The following INTS1 variants were observed in gnomAD, a reference collection of about 807,000 sequenced individuals.
INTS1 encodes integrator complex subunit 1.
Under a neutral mutation model 241.6 loss-of-function variants are expected in INTS1, and 137 were observed. The ratio of observed to expected loss-of-function variants is 0.57; its 90% CI spans 0.49 to 0.65. The LOEUF is 0.65. Ranked by LOEUF, INTS1 falls within the 30% of genes least tolerant of loss-of-function variation. The probability of loss-of-function intolerance (pLI) is 0.00; values close to 1 mark genes in which losing one functional copy is unlikely to be tolerated. For synonymous variants in INTS1, 1,692 were observed against 1,337.8 expected, an observed-to-expected ratio of 1.26 and a Z score of -5.78; for missense variants, 3,073 against 3,032.2, an observed-to-expected ratio of 1.01 and a Z score of -0.32.
At chr7:1,503,780 C>T in intron 2 of INTS1, 123 bp downstream of exon 2, 1 of 719,190 alleles carries the variant, frequency 1.4e-6, no homozygotes, top group Admixed American at 2.7e-5. Context: ...GACCGAATTC[C>T]TGGAAACAGC....
chr7:1,486,614 C>T lies in INTS1; in HGVS notation c.2976+11G>A, dbSNP rs761601215. On this transcript the variant is annotated intron_variant, in intron 22 of 47. Coordinates refer to ENST00000404767, the MANE Select transcript of INTS1 (RefSeq NM_001080453.3). ...AAGAGCGTGCGCAGAAAGACCCGCCCACCACCTCACCTTCATGGCCAGCAC... is the reference window on the plus strand; with the variant it reads ...AAGAGCGTGCGCAGAAAGACCCGCCTACCACCTCACCTTCATGGCCAGCAC... 6.2e-7 allele frequency: 1 copy of T among 1,609,740 alleles called. No individual in the cohort carries two copies. Among genetic ancestry groups the T allele is most frequent in the South Asian group, 1.1e-5 (1 of 90,448 alleles).
rs1256209280 is a variant in INTS1 at position 1,479,432 on chromosome 7, G to C, written c.4327C>G (p.Gln1443Glu). The C allele has an allele frequency of 6.3e-7, 1 of 1,576,208 alleles. No homozygotes were observed. ...CPLLRQLCQY[Q>E]RCVPQDTGFS... Reference sequence around the variant, plus strand: ...GCAAGAGGCCCACGCCCAAGTACCTGGTACTGGCAGAGCTGGCGCAGCAGC... The same window carrying C: ...GCAAGAGGCCCACGCCCAAGTACCTCGTACTGGCAGAGCTGGCGCAGCAGC... Residue 1443 changes from glutamine to glutamate, a missense_variant and splice_region_variant, in exon 31 of 48, where the codon CAG (glutamine) becomes GAG (glutamate). Coordinates refer to ENST00000404767, the MANE Select transcript of INTS1 (RefSeq NM_001080453.3).
chr7:1,494,656 A>T (rs1782756855), intron 14 of INTS1, 160 bp downstream of exon 14: 2 of 711,314 alleles, frequency 2.8e-6, no homozygotes, highest in Admixed American at 4.5e-5. Flanking sequence ...TGGGAGTGGG[A>T]GAAGGGTGGC....
intron 29 of INTS1, 68 bp downstream of exon 29, chr7:1,480,767 G>A: frequency 3.2e-6 from 4 of 1,268,926 alleles, no homozygotes; most frequent in Non-Finnish European, 4.4e-6. Context: ...TCCCCAGGCT[G>A]GGTCTCTGTG....
Position 1,493,889 on chromosome 7 carries a change from C to T in INTS1, c.1933G>A (p.Glu645Lys), listed in dbSNP as rs866389570. The T allele has an allele frequency of 3.8e-6, 6 of 1,563,130 alleles. No homozygotes were observed. Among genetic ancestry groups the T allele is most frequent in the Non-Finnish European group, 5.2e-6 (6 of 1,154,388 alleles). ...DRNFFLRLCSEVPILEDTLMR... is the reference protein window; with the variant it reads ...DRNFFLRLCSKVPILEDTLMR... ...AGCGTGTCCTCCAAAATGGGCACCT[C>T]GGAGCACAGACGCAGGAAGAAGCTG... Residue 645 changes from glutamate (E) to lysine (K), a missense_variant, in exon 15 of 48, where the codon GAG becomes AAG. Transcript: ENST00000404767. This position sits in a 1 kb window ranked among gnomAD's most constrained non-coding sequence, Gnocchi z 5.3.
Position 1,493,117 on chromosome 7 carries a change from G to C in INTS1, c.2069-11C>G. The C allele has an allele frequency of 6.2e-7, 1 of 1,608,668 alleles. No individual in the cohort carries two copies. The highest frequency in any genetic ancestry group is 8.5e-7 in the Non-Finnish European group (1 of 1,175,446). ...TCAGCACCTCCACATCTAAGACCAA[G>C]AGCCACACATGGGTTCTGGGGCTGC... On this transcript the variant is annotated splice_polypyrimidine_tract_variant and intron_variant, in intron 15 of 47. Transcript: ENST00000404767. The surrounding 1 kb of genome is among the most constrained non-coding windows in gnomAD (Gnocchi z 5.3).
chr7:1,500,346 C>A lies in INTS1; in HGVS notation c.370G>T (p.Asp124Tyr). The change falls in exon 4 of 48, where the codon GAT becomes TAT. Residue 124 changes from aspartate to tyrosine, a missense_variant. Asp to Tyr is a radical substitution (Grantham distance 160, BLOSUM62 -3). Transcript: ENST00000404767. ...TCCAGCTCGGCCGCCTCGATCTCAT[C>A]CAGCAGCACCGTGGGCAGCACTGGC... ...PIEVLPTVLLDEIEAAELEGN... is the reference protein window; with the variant it reads ...PIEVLPTVLLYEIEAAELEGN... The A allele has an allele frequency of 6.3e-7, 1 of 1,580,068 alleles. No individual in the cohort carries two copies. Among genetic ancestry groups the A allele is most frequent in the South Asian group, 1.1e-5 (1 of 88,486 alleles).
chr7:1,475,980 T>C lies in INTS1; in HGVS notation c.5470A>G (p.Ser1824Gly), dbSNP rs751490375. 2.1e-5 allele frequency: 33 copies of C among 1,544,624 alleles called. 1 individual carries two copies. In the Middle Eastern group the frequency reaches 2.1e-3, roughly 99 times the overall value. The change falls in exon 39 of 48, where the codon AGC becomes GGC. Residue 1824 changes from serine (S) to glycine (G), a missense_variant. Coordinates refer to ENST00000404767, the MANE Select transcript of INTS1 (RefSeq NM_001080453.3). ...RVPVPEVLLH[S>G]EGAASSSVCK... is the part of the protein sequence containing the mutation. ...ACGCTGCTGCTGGCAGCCCCTTCGC[T>C]GTGCAGTAGGACCTCAGGCACGGGC...
Position 1,481,032 on chromosome 7 carries a change from C to T in INTS1, c.3851-99G>A, listed in dbSNP as rs1489703639. On this transcript the variant is annotated intron_variant, in intron 28 of 47. Coordinates refer to ENST00000404767, the MANE Select transcript of INTS1 (RefSeq NM_001080453.3). The surrounding 1 kb of genome is among the most constrained non-coding windows in gnomAD (Gnocchi z 6.8). ...CCAGAGTTGGAGATGCCCCCACCGTCACCAGCACTTCCCAAGGACTTCAGA... is the reference window on the plus strand; with the variant it reads ...CCAGAGTTGGAGATGCCCCCACCGTTACCAGCACTTCCCAAGGACTTCAGA... 1.2e-6 allele frequency: 1 copy of T among 860,174 alleles called. No individual in the cohort carries two copies. Among genetic ancestry groups the T allele is most frequent in the African/African-American group, 1.7e-5 (1 of 59,732 alleles). 53.3% of individuals were successfully genotyped at this position (860,174 alleles called of 1,614,324 possible).
At chr7:1,498,930 G>GGCCCCCCCCCCCCGCCCCCCC in intron 8 of INTS1, 45 bp downstream of exon 8, 1 of 1,460,190 alleles carries the variant, frequency 6.8e-7, no homozygotes, top group Non-Finnish European at 9.3e-7. Flanking sequence ...CACAGAGCCT[G>GGCCCCCCCCCCCCGCCCCCCC]CCCCCACCCC....
At chr7:1,492,982 G>C in intron 16 of INTS1, 28 bp downstream of exon 16, 1 of 1,567,496 alleles carries the variant, frequency 6.4e-7, no homozygotes, top group Non-Finnish European at 8.8e-7. Context: ...TTACCCGGGC[G>C]GGAGTGGGGA....
At position 1,476,041 on chromosome 7, in the gene INTS1, GAGA is replaced by G. The variant is rs1554274185; in HGVS notation, c.5406_5408del (p.Leu1804del). On this transcript the variant is annotated inframe_deletion, in exon 39 of 48. Transcript: ENST00000404767. ...CCGGCCGCTGTAGGTAGAGCTGCAG[GAGA>G]AGGTCTCGGCAGCGCCTGCCCAGCA... is the stretch of plus-strand genomic sequence containing the variant. 6.5e-7 allele frequency: 1 copy of G among 1,545,472 alleles called. No homozygotes were observed. The highest frequency in any genetic ancestry group is 2.4e-5 in the East Asian group (1 of 40,902).
At chr7:1,484,807 G>A (rs965327279) in intron 24 of INTS1, among the ~76,000 whole-genome samples, 12 of 152,280 alleles carry the variant, frequency 7.9e-5, no homozygotes, top group East Asian at 1.9e-4. Context: ...AGGTGGCCAC[G>A]GGGTCATAGA....
Position 1,493,087 on chromosome 7 carries a change from C to T in INTS1, c.2088G>A (p.Val696=), listed in dbSNP as rs751925539. ...VQADDVEVLK[V]GRTQLIDAVL... ...CGGCGTCGATCAGCTGGGTCCTCCC[C>T]ACCTTCAGCACCTCCACATCTAAGA... The change falls in exon 16 of 48, where the codon GTG becomes GTA. Residue 696 remains valine (V), a synonymous_variant. Transcript: ENST00000404767. The surrounding 1 kb of genome is among the most constrained non-coding windows in gnomAD (Gnocchi z 5.3). 3.1e-6 allele frequency: 5 copies of T among 1,613,320 alleles called. No homozygotes were observed. The highest frequency in any genetic ancestry group is 4.2e-6 in the Non-Finnish European group (5 of 1,179,512).
Position 1,487,893 on chromosome 7 carries a change from C to T in INTS1, c.2383G>A (p.Glu795Lys). The T allele has an allele frequency of 6.2e-7, 1 of 1,613,556 alleles. No homozygotes were observed. Among genetic ancestry groups the T allele is most frequent in the Non-Finnish European group, 8.5e-7 (1 of 1,179,858 alleles). Residue 795 changes from glutamate to lysine, a missense_variant, in exon 19 of 48, where the codon GAG becomes AAG. By Grantham distance (56) the Glu-to-Lys change is moderately conservative. Coordinates refer to ENST00000404767, the MANE Select transcript of INTS1 (RefSeq NM_001080453.3). ...TTCTCCCGCTGGGCGGTCTGCAGCT[C>T]ACGGTTCAGCATCTCCGTCCGGGTC... ...EETRTEMLNR[E>K]LQTAQREKQE...
Position 1,473,556 on chromosome 7 carries a change from G to T in INTS1, c.5957+10C>A. The T allele has an allele frequency of 6.3e-7, 1 of 1,581,868 alleles. No individual in the cohort carries two copies. Among genetic ancestry groups the T allele is most frequent in the Non-Finnish European group, 8.6e-7 (1 of 1,164,722 alleles). Reference sequence around the variant, plus strand: ...GGCCCGAGGCTTCCCTGCAGCCCGTGGGCACTCACTGGAGCGGGTCGGCGT... The same window carrying T: ...GGCCCGAGGCTTCCCTGCAGCCCGTTGGCACTCACTGGAGCGGGTCGGCGT... On this transcript the variant is annotated intron_variant, in intron 42 of 47. Coordinates refer to ENST00000404767, the MANE Select transcript of INTS1 (RefSeq NM_001080453.3).
chr7:1,501,914 G>A (rs910996978), intron 3 of INTS1, among the ~76,000 whole-genome samples: 1 of 152,098 alleles, frequency 6.6e-6, no homozygotes, highest in Non-Finnish European at 1.5e-5. Context: ...TTCTCTGCTT[G>A]GCATCTCCCT....
At chr7:1,486,578 T>C (rs750248963) in intron 22 of INTS1, 47 bp downstream of exon 22, 1 of 1,578,936 alleles carries the variant, frequency 6.3e-7, no homozygotes, top group Non-Finnish European at 8.6e-7. Context: ...AGCCTACTCA[T>C]TTTAAACATG....
In INTS1 at chr7:1,480,739, G is replaced by A. The variant is rs1043999018; in HGVS notation, c.3949+96C>T. On this transcript the variant is annotated intron_variant, in intron 29 of 47. Coordinates refer to ENST00000404767, the MANE Select transcript of INTS1 (RefSeq NM_001080453.3). ...CAAGTGTGCACTGCCCTGTGTGGCT[G>A]TGCAGGCCCCGTCCCCCTCCCCAGG... The A allele has an allele frequency of 3.9e-6, 4 of 1,013,932 alleles. No individual in the cohort carries two copies. In the African/African-American group the frequency reaches 6.4e-5, roughly 16 times the overall value. The allele number at this position is 1,013,932 out of a possible 1,614,324, so 62.8% of individuals were successfully genotyped here. A position where few individuals can be genotyped will look rare whatever the true frequency, so the allele number is the denominator to read the frequency against.
Sources: allele counts gnomAD v4.1 joint callset (sites outside exome capture counted in the v4.1 genomes callset), GRCh38; gene constraint gnomAD v4.1.1; non-coding constraint Gnocchi (gnomAD v3.1); transcripts MANE v1.5; gene names NCBI Gene and HGNC (gene_info 2026-07-23, HGNC 2026-07-21).